NELL1: variants seen among roughly 807,000 people sequenced by gnomAD.
NELL1 encodes the protein protein kinase C-binding protein NELL1.
A neutral mutation model predicts 107.4 loss-of-function variants in NELL1; 76 were observed. The observed-to-expected ratio is 0.71, with a 90% CI of 0.59 to 0.86. NELL1 has a LOEUF of 0.86. Among genes scored for constraint, NELL1 ranks in the 40% least tolerant of loss-of-function variants. The probability of loss-of-function intolerance (pLI) is 0.00; values close to 1 mark genes in which losing one functional copy is unlikely to be tolerated. For missense variants in NELL1, 1,024 were observed against 1,005.5 expected, an observed-to-expected ratio of 1.02 and a Z score of -0.25; for synonymous variants, 353 against 341.2, an observed-to-expected ratio of 1.03 and a Z score of -0.38.
At chr11:21,065,812 TG>T (rs1853853349) in intron 12 of NELL1, among the ~76,000 whole-genome samples, 1 of 152,228 alleles carries the variant, frequency 6.6e-6, no homozygotes. Context: ...TGATATTGTA[TG>T]TGCTACACAA....
At chr11:21,400,052 CTA>C (rs1022194799) in intron 15 of NELL1, among the ~76,000 whole-genome samples, 32 of 151,946 alleles carry the variant, frequency 2.1e-4, no homozygotes, top group African/African-American at 7.5e-4. Flanking sequence ...GTGAACTACT[CTA>C]TGATTGTATA....
chr11:21,084,116 G>A (rs1225726900), intron 12 of NELL1, among the ~76,000 whole-genome samples: 1 of 152,116 alleles, frequency 6.6e-6, no homozygotes, highest in African/African-American at 2.4e-5. Context: ...TCAGGCAGAT[G>A]ACATTGAAAT....
Position 20,869,237 on chromosome 11 carries a change from T to TGA in NELL1, c.507-16195_507-16194dup, listed in dbSNP as rs760610190. Among the ~76,000 whole-genome samples the TGA allele has an allele frequency of 4.3e-3, 657 of 151,864 alleles. 7 individuals are homozygous for TGA. The highest frequency in any genetic ancestry group is 6.8e-3 in the Middle Eastern group (2 of 294). ...TAATGCCCAGTCAGTTATATGTTAC[T>TGA]GAGAGAGAGAGAGCATTGTTTATGA... On this transcript the variant is annotated intron_variant, in intron 4 of 19. Transcript: ENST00000357134.
At chr11:20,992,690 T>C (rs1024081214) in intron 12 of NELL1, among the ~76,000 whole-genome samples, 4 of 151,318 alleles carry the variant, frequency 2.6e-5, no homozygotes, top group African/African-American at 9.7e-5. Flanking sequence ...TGACTGCTAC[T>C]TCCCTAGGCA....
chr11:20,969,608 C>G (rs970298794), intron 12 of NELL1, among the ~76,000 whole-genome samples: 2 of 151,916 alleles, frequency 1.3e-5, no homozygotes, highest in African/African-American at 4.8e-5. Context: ...TGTTTTCTAA[C>G]ATTTTTCTTC....
chr11:21,242,592 C>A (rs1298980293), intron 14 of NELL1, among the ~76,000 whole-genome samples: 2 of 152,042 alleles, frequency 1.3e-5, no homozygotes, highest in Non-Finnish European at 2.9e-5. Flanking sequence ...AGAAAATAAA[C>A]CTCATGTATT....
chr11:21,567,227 G>A (rs1856992179), intron 17 of NELL1, among the ~76,000 whole-genome samples: 2 of 151,800 alleles, frequency 1.3e-5, no homozygotes, highest in South Asian at 4.1e-4. Flanking sequence ...TCATTACTTT[G>A]CTTAGTTTTT....
chr11:20,965,507 C>T (rs1851370725), intron 12 of NELL1, among the ~76,000 whole-genome samples: 1 of 152,100 alleles, frequency 6.6e-6, no homozygotes, highest in South Asian at 2.1e-4. Context: ...TAGGGTTCAT[C>T]AATTCTTCCA....
intron 14 of NELL1, among the ~76,000 whole-genome samples, chr11:21,232,255 G>C (rs1303770688): frequency 6.7e-6 from 1 of 149,444 alleles, no homozygotes; most frequent in Non-Finnish European, 1.5e-5. Context: ...GCTCGAACCT[G>C]GGAGGCAGAG....
At chr11:20,862,687 G>C (rs996207727) in intron 4 of NELL1, among the ~76,000 whole-genome samples, 2 of 147,372 alleles carry the variant, frequency 1.4e-5, no homozygotes, top group Non-Finnish European at 3.0e-5. Context: ...GACAATAGTG[G>C]AGGGAAGGTC....
chr11:21,160,963 T>A (rs1856351588), intron 13 of NELL1, among the ~76,000 whole-genome samples: 1 of 151,334 alleles, frequency 6.6e-6, no homozygotes, highest in South Asian at 2.1e-4. Flanking sequence ...ATGGACTTGT[T>A]ACCTTAACTA....
chr11:20,876,735 C>T (rs376838049), intron 4 of NELL1, among the ~76,000 whole-genome samples: 14 of 152,218 alleles, frequency 9.2e-5, no homozygotes, highest in African/African-American at 3.4e-4. Context: ...TGCACTACAG[C>T]CTGGGGGACA....
intron 14 of NELL1, among the ~76,000 whole-genome samples, chr11:21,271,633 C>T (rs576223707): frequency 6.6e-6 from 1 of 152,290 alleles, no homozygotes; most frequent in South Asian, 2.1e-4. Flanking sequence ...GTGAGGCCAA[C>T]ATTACTCTAA....
chr11:20,847,787 C>A, intron 4 of NELL1, 34 bp downstream of exon 4: 1 of 1,563,444 alleles, frequency 6.4e-7, no homozygotes, highest in Non-Finnish European at 8.7e-7. Context: ...GCTGATTCTG[C>A]CCTTGAAATC....
chr11:21,070,724 A>G (rs1853991477), intron 12 of NELL1, among the ~76,000 whole-genome samples: 1 of 152,124 alleles, frequency 6.6e-6, no homozygotes, highest in Admixed American at 6.6e-5. Flanking sequence ...ATGTTTCAAT[A>G]GTTCATGATG....
chr11:21,290,394 A>G (rs1196414024), intron 14 of NELL1, among the ~76,000 whole-genome samples: 5 of 87,214 alleles, frequency 5.7e-5, no homozygotes, highest in African/African-American at 1.3e-4. Context: ...AAATAAAATA[A>G]ATAGATAAAT....
chr11:21,530,296 AC>A (rs1855961035), intron 15 of NELL1, among the ~76,000 whole-genome samples: 1 of 152,072 alleles, frequency 6.6e-6, no homozygotes, highest in African/African-American at 2.4e-5. Flanking sequence ...CTTTGAGAAA[AC>A]CTTTATTGGT....
At chr11:21,154,471 G>A (rs1236791662) in intron 13 of NELL1, among the ~76,000 whole-genome samples, 1 of 152,088 alleles carries the variant, frequency 6.6e-6, no homozygotes, top group Non-Finnish European at 1.5e-5. Flanking sequence ...ATTATTATCT[G>A]CCAGACTTTA....
At chr11:20,693,900 C>T (rs1854542303) in intron 2 of NELL1, among the ~76,000 whole-genome samples, 1 of 152,164 alleles carries the variant, frequency 6.6e-6, no homozygotes, top group Non-Finnish European at 1.5e-5. Context: ...TGGTTCCATT[C>T]TCCCCGTCAC....
Sources: allele counts gnomAD v4.1 joint callset (sites outside exome capture counted in the v4.1 genomes callset), GRCh38; gene constraint gnomAD v4.1.1; transcripts MANE v1.5; gene names NCBI Gene and HGNC (gene_info 2026-07-23, HGNC 2026-07-21).